The following PIBF1 variants were observed in gnomAD, a reference collection of about 807,000 sequenced individuals.
The protein encoded by PIBF1 is progesterone-induced-blocking factor 1.
A neutral mutation model predicts 112.5 loss-of-function variants in PIBF1; 90 were observed. The ratio of observed to expected loss-of-function variants is 0.80; its 90% CI spans 0.67 to 0.95. The LOEUF (loss-of-function observed/expected upper bound fraction) is 0.95. Among genes scored for constraint, PIBF1 ranks in the 40% least tolerant of loss-of-function variants. PIBF1 has a pLI of 0.00. For missense variants in PIBF1, 915 were observed against 852.3 expected (o/e 1.07, Z -0.92); for synonymous variants, 301 against 288.6 (o/e 1.04, Z -0.44).
intron 9 of PIBF1, among the ~76,000 whole-genome samples, chr13:72,841,635 G>T (rs546305075): frequency 1.3e-5 from 2 of 152,194 alleles, no homozygotes; most frequent in East Asian, 1.9e-4. Flanking sequence ...TTAGCCAGGC[G>T]TGGTGGCACA....
At chr13:72,812,684 T>C (rs1432954305) in intron 5 of PIBF1, among the ~76,000 whole-genome samples, 1 of 151,704 alleles carries the variant, frequency 6.6e-6, no homozygotes. Flanking sequence ...CTCGGGAGGC[T>C]GAGATGAGAG....
intron 13 of PIBF1, among the ~76,000 whole-genome samples, chr13:72,924,860 T>C (rs551037550): frequency 6.6e-6 from 1 of 152,206 alleles, no homozygotes; most frequent in Non-Finnish European, 1.5e-5. Flanking sequence ...ATATAAACTT[T>C]AGTACTATAT....
intron 14 of PIBF1, among the ~76,000 whole-genome samples, chr13:72,933,567 C>T (rs910967779): frequency 4.6e-5 from 7 of 152,218 alleles, no homozygotes. Context: ...GAAGCTGAGG[C>T]ACGAGAATCA....
At position 72,904,433 on chromosome 13, in the gene PIBF1, C is replaced by CTTTTTTTTTTTTTTTTTTTTTTT. The variant is rs71099767; in HGVS notation, c.1489-4095_1489-4073dup. The stretch of plus-strand genomic sequence containing the variant: ...ATTTATCCAAAATATCAAAATATTT[C>CTTTTTTTTTTTTTTTTTTTTTTT]TTTTTTTTTTTTTTTTTTTTTTTTT... On this transcript the variant is annotated intron_variant, in intron 11 of 17. Coordinates refer to ENST00000326291, the MANE Select transcript of PIBF1 (RefSeq NM_006346.4). Among the ~76,000 whole-genome samples, 77 of 36,550 alleles carry CTTTTTTTTTTTTTTTTTTTTTTT rather than the reference C, an allele frequency of 2.1e-3. 21 individuals carry two copies. The highest frequency in any genetic ancestry group is 8.9e-3 in the East Asian group (8 of 902). 24.0% of individuals were successfully genotyped at this position (36,550 alleles called of 152,430 possible). A position where few individuals can be genotyped will look rare whatever the true frequency, so the allele number is the denominator to read the frequency against.
chr13:72,818,856 A>G (rs1426202774), intron 5 of PIBF1, among the ~76,000 whole-genome samples: 3 of 151,906 alleles, frequency 2.0e-5, no homozygotes, highest in Non-Finnish European at 2.9e-5. Flanking sequence ...AAATGGACCC[A>G]CACAATTGGT....
chr13:72,915,647 C>T lies in PIBF1; in HGVS notation c.1640-1429C>T, dbSNP rs778595289. 2.0e-5 allele frequency among the ~76,000 whole-genome samples: 3 copies of T among 152,240 alleles called. No individual in the cohort carries two copies. The South Asian group carries it at 6.2e-4, about 32-fold the overall frequency. The stretch of plus-strand genomic sequence containing the variant: ...GTTCCAGTAGAGCTTATTTGGAGAA[C>T]TCATCTTGGATCTGGACTTACCTGC... On this transcript the variant is annotated intron_variant, in intron 12 of 17. Transcript: ENST00000326291.
chr13:72,834,390 C>T (rs1430051579), intron 8 of PIBF1, among the ~76,000 whole-genome samples: 1 of 152,038 alleles, frequency 6.6e-6, no homozygotes, highest in Non-Finnish European at 1.5e-5. Context: ...TTTGGGAGGC[C>T]AAGGCAGGAG....
chr13:72,963,834 G>A lies in PIBF1; in HGVS notation c.1834-1440G>A, dbSNP rs1314638766. On this transcript the variant is annotated intron_variant, in intron 14 of 17. Transcript: ENST00000326291. ...ATGCCCAGTATGCACATGAAATAATGTGCTTTGGCCAGGATGTGGAGAAAT... is the reference window on the plus strand; with the variant it reads ...ATGCCCAGTATGCACATGAAATAATATGCTTTGGCCAGGATGTGGAGAAAT... 3.3e-5 allele frequency among the ~76,000 whole-genome samples: 5 copies of A among 152,122 alleles called. No homozygotes were observed. The East Asian group carries it at 7.7e-4, about 23-fold the overall frequency.
rs150545884 is a variant in PIBF1 at position 72,986,640 on chromosome 13, A to T, written c.2050-12182A>T. Among the ~76,000 whole-genome samples, 770 of 150,760 alleles carry T rather than the reference A, an allele frequency of 5.1e-3. 2 individuals carry two copies. Among genetic ancestry groups the T allele is most frequent in the African/African-American group, 0.016 (657 of 40,974 alleles). On this transcript the variant is annotated intron_variant, in intron 16 of 17. Coordinates refer to ENST00000326291, the MANE Select transcript of PIBF1 (RefSeq NM_006346.4). ...ATGAGCTCTCACTAAGCCTTCAGTCATAGATAGGGTATAGCTCCAAAAATG... is the reference window on the plus strand; with the variant it reads ...ATGAGCTCTCACTAAGCCTTCAGTCTTAGATAGGGTATAGCTCCAAAAATG...
intron 17 of PIBF1, among the ~76,000 whole-genome samples, chr13:73,007,040 G>A (rs1274498242): frequency 6.6e-6 from 1 of 150,576 alleles, no homozygotes; most frequent in Non-Finnish European, 1.5e-5. Flanking sequence ...AAATATATAT[G>A]CATATATAGT....
chr13:72,901,648 A>G (rs1438492316), intron 11 of PIBF1, among the ~76,000 whole-genome samples: 1 of 151,820 alleles, frequency 6.6e-6, no homozygotes, highest in Non-Finnish European at 1.5e-5. Flanking sequence ...TCATGCCACT[A>G]CACTCCAGCC....
At chr13:72,889,395 A>G (rs1346312168) in intron 10 of PIBF1, among the ~76,000 whole-genome samples, 1 of 152,098 alleles carries the variant, frequency 6.6e-6, no homozygotes, top group Non-Finnish European at 1.5e-5. Flanking sequence ...TTAAAACTAA[A>G]CTTTCCTGCC....
intron 3 of PIBF1, 46 bp from the exon 4 acceptor site, chr13:72,795,313 C>A: frequency 8.3e-7 from 1 of 1,203,418 alleles, no homozygotes; most frequent in Non-Finnish European, 1.2e-6. Flanking sequence ...AAAATTAGAT[C>A]TCAAATACTT....
chr13:72,946,984 A>G (rs901984661), intron 14 of PIBF1, among the ~76,000 whole-genome samples: 6 of 152,214 alleles, frequency 3.9e-5, no homozygotes, highest in African/African-American at 1.4e-4. Flanking sequence ...TCACGGCTCC[A>G]CTAGGCAGTG....
chr13:73,008,103 G>A (rs1262191751), intron 17 of PIBF1, among the ~76,000 whole-genome samples: 3 of 152,186 alleles, frequency 2.0e-5, no homozygotes, highest in Non-Finnish European at 4.4e-5. Flanking sequence ...TAATGTAGGT[G>A]AGAAATCACT....
At chr13:72,864,448 C>T (rs2038837915) in intron 10 of PIBF1, among the ~76,000 whole-genome samples, 1 of 152,158 alleles carries the variant, frequency 6.6e-6, no homozygotes, top group Non-Finnish European at 1.5e-5. Context: ...TATATGTGTG[C>T]ACATTTTTTA....
At chr13:72,976,185 C>A (rs1418558560) in intron 16 of PIBF1, among the ~76,000 whole-genome samples, 1 of 152,126 alleles carries the variant, frequency 6.6e-6, no homozygotes, top group African/African-American at 2.4e-5. Context: ...ATCACTTGAG[C>A]ACAGGAGTTT....
At chr13:73,014,209 A>G (rs1479574375) in intron 17 of PIBF1, among the ~76,000 whole-genome samples, 1 of 152,050 alleles carries the variant, frequency 6.6e-6, no homozygotes, top group African/African-American at 2.4e-5. Flanking sequence ...CCTGAACTCA[A>G]GTGATCTGCC....
chr13:72,856,576 C>A (rs2038432486), intron 10 of PIBF1, among the ~76,000 whole-genome samples: 1 of 152,000 alleles, frequency 6.6e-6, no homozygotes, highest in African/African-American at 2.4e-5. Flanking sequence ...GAACCAGAGA[C>A]TTATGAATAA....
Sources: gnomAD v4.1 joint callset for allele counts (sites outside exome capture counted in the v4.1 genomes callset) on GRCh38, gnomAD v4.1.1 for gene constraint, MANE v1.5 for transcripts, NCBI Gene and HGNC (gene_info 2026-07-23, HGNC 2026-07-21) for gene names.